COL22A1: variants seen among roughly 807,000 people sequenced by gnomAD.
The protein encoded by COL22A1 is collagen type XXII alpha 1 chain.
COL22A1 carries 221 observed loss-of-function variants against 248.9 expected under a neutral mutation model. The ratio of observed to expected loss-of-function variants is 0.89; its 90% CI spans 0.80 to 0.99. The LOEUF (loss-of-function observed/expected upper bound fraction) is 0.99. COL22A1 is among the 50% of genes least tolerant of loss of function. The probability of loss-of-function intolerance (pLI) is 0.00; values close to 1 mark genes in which losing one functional copy is unlikely to be tolerated. For missense variants in COL22A1, 2,240 were observed against 2,179.0 expected (o/e 1.03, Z -0.56); for synonymous variants, 891 against 793.4 (o/e 1.12, Z -2.07).
intron 23 of COL22A1, among the ~76,000 whole-genome samples, chr8:138,733,728 A>T (rs1439620861): frequency 2.0e-5 from 3 of 152,114 alleles, no homozygotes; most frequent in South Asian, 2.1e-4. Context: ...TTCTCCTTCC[A>T]GATTAATCCT....
rs763926603 is a variant in COL22A1, at chr8:138,602,097, C to G, written c.4185+18G>C. The G allele has an allele frequency of 5.6e-6, 9 of 1,613,840 alleles. No homozygotes were observed. The African/African-American group carries it at 1.1e-4, about 19-fold the overall frequency. Reference sequence around the variant, plus strand: ...GGTCGCGTTCGGCGTGTTCAAGGTGCCTGTGCTCTCCACTCACCCTTTCTC... The same window carrying G: ...GGTCGCGTTCGGCGTGTTCAAGGTGGCTGTGCTCTCCACTCACCCTTTCTC... On this transcript the variant is annotated intron_variant, in intron 60 of 64. Coordinates refer to ENST00000303045, the MANE Select transcript of COL22A1 (RefSeq NM_152888.3).
intron 49 of COL22A1, among the ~76,000 whole-genome samples, chr8:138,633,305 A>C (rs1187207867): frequency 3.9e-5 from 6 of 152,272 alleles, no homozygotes; most frequent in Non-Finnish European, 5.9e-5. Flanking sequence ...AGCATTAATC[A>C]GCTGGAGACA....
chr8:138,797,292 T>C (rs1816632559), intron 11 of COL22A1, among the ~76,000 whole-genome samples: 1 of 152,178 alleles, frequency 6.6e-6, no homozygotes, highest in Non-Finnish European at 1.5e-5. Context: ...CATTAATCTG[T>C]TTTCTGTTTC....
chr8:138,626,442 C>G (rs1421058066), intron 50 of COL22A1, among the ~76,000 whole-genome samples, 199 bp from the exon 51 acceptor site: 2 of 152,184 alleles, frequency 1.3e-5, no homozygotes, highest in African/African-American at 4.8e-5. Context: ...AGCATAGCCA[C>G]CCCTGTTGGT....
At chr8:138,821,452 G>T (rs1819124299) in intron 6 of COL22A1, 41 bp from the exon 7 acceptor site, 1 of 1,587,974 alleles carries the variant, frequency 6.3e-7, no homozygotes, top group Admixed American at 1.7e-5. Flanking sequence ...GCTTCTTGGG[G>T]CCAAGGGAAA....
chr8:138,683,126 A>T (rs1826083348), intron 39 of COL22A1, among the ~76,000 whole-genome samples: 1 of 152,178 alleles, frequency 6.6e-6, no homozygotes, highest in Non-Finnish European at 1.5e-5. Context: ...CCTAGCACTC[A>T]TCTGCTTTTC....
chr8:138,660,399 A>T, intron 44 of COL22A1, 37 bp downstream of exon 44: 1 of 1,579,780 alleles, frequency 6.3e-7, no homozygotes, highest in Non-Finnish European at 8.7e-7. Context: ...GCCCTGACTG[A>T]TAGTCAATAT....
chr8:138,684,506 T>A, intron 38 of COL22A1, 37 bp from the exon 39 acceptor site: 1 of 1,517,004 alleles, frequency 6.6e-7, no homozygotes, highest in Non-Finnish European at 9.2e-7. Flanking sequence ...ATCATGGAGC[T>A]GAGAGTGAAC....
At chr8:138,896,980 A>G (rs1350778549) in intron 1 of COL22A1, among the ~76,000 whole-genome samples, 2 of 151,650 alleles carry the variant, frequency 1.3e-5, no homozygotes, top group African/African-American at 4.8e-5. Context: ...CTCAAAAAAA[A>G]AAATCCATTC....
chr8:138,653,571 A>G (rs1343093531), intron 45 of COL22A1, among the ~76,000 whole-genome samples: 1 of 152,192 alleles, frequency 6.6e-6, no homozygotes, highest in African/African-American at 2.4e-5. Context: ...TATTTCTGCA[A>G]GGGTAATGGA....
intron 4 of COL22A1, among the ~76,000 whole-genome samples, chr8:138,833,497 C>T (rs1364285192): frequency 6.6e-6 from 1 of 152,224 alleles, no homozygotes; most frequent in East Asian, 1.9e-4. Flanking sequence ...GTGTGCTCTT[C>T]GCTCTTGCAG....
At chr8:138,820,251 T>C (rs959952782) in intron 7 of COL22A1, among the ~76,000 whole-genome samples, 1 of 152,208 alleles carries the variant, frequency 6.6e-6, no homozygotes, top group Non-Finnish European at 1.5e-5. Flanking sequence ...AAAATGGTTT[T>C]GGAAAGAGCT....
intron 1 of COL22A1, among the ~76,000 whole-genome samples, chr8:138,884,771 G>A (rs1456749146): frequency 6.6e-6 from 1 of 152,174 alleles, no homozygotes; most frequent in Non-Finnish European, 1.5e-5. Context: ...ACATGTGGCA[G>A]GGGAGTGAGC....
chr8:138,740,325 G>C (rs893057783), intron 22 of COL22A1, among the ~76,000 whole-genome samples: 1 of 152,188 alleles, frequency 6.6e-6, no homozygotes, highest in Non-Finnish European at 1.5e-5. Flanking sequence ...GAAAGGATGA[G>C]AGAGAAGAGA....
intron 7 of COL22A1, among the ~76,000 whole-genome samples, chr8:138,813,581 C>G (rs983709487): frequency 6.6e-6 from 1 of 152,176 alleles, no homozygotes; most frequent in African/African-American, 2.4e-5. Context: ...TAATACAACC[C>G]CTTCCTTCCA....
At chr8:138,650,894 G>A (rs1458006876) in intron 45 of COL22A1, among the ~76,000 whole-genome samples, 1 of 152,170 alleles carries the variant, frequency 6.6e-6, no homozygotes, top group Non-Finnish European at 1.5e-5. Context: ...GTCTTGAAGA[G>A]CTCTCAGTTC....
chr8:138,703,410 A>G, intron 30 of COL22A1, 63 bp from the exon 31 acceptor site: 1 of 1,447,472 alleles, frequency 6.9e-7, no homozygotes, highest in Non-Finnish European at 9.7e-7. Context: ...TTATGCTGCA[A>G]CAGATCAGCT....
rs538755742 is a variant in COL22A1 at position 138,609,248 on chromosome 8, G to C, written c.3979-1259C>G. 3.3e-5 allele frequency among the ~76,000 whole-genome samples: 5 copies of C among 152,314 alleles called. No individual in the cohort carries two copies. In the South Asian group the frequency reaches 1.0e-3, roughly 32 times the overall value. On this transcript the variant is annotated intron_variant, in intron 56 of 64. Transcript: ENST00000303045. ...GGAAACTGAGGCTCAGAAATGCTAAGCCACCTGCCTGCGAGGCAAGTCAAG... is the reference window on the plus strand; with the variant it reads ...GGAAACTGAGGCTCAGAAATGCTAACCCACCTGCCTGCGAGGCAAGTCAAG...
chr8:138,854,808 A>ATGATGATGG (rs201671933), intron 3 of COL22A1, among the ~76,000 whole-genome samples: 4,312 of 151,858 alleles, frequency 0.028, 79 homozygotes, highest in Non-Finnish European at 0.039. Flanking sequence ...GGTGATGGTG[A>ATGATGATGG]TGATGATGGT....
Sources: allele counts gnomAD v4.1 joint callset (sites outside exome capture counted in the v4.1 genomes callset), GRCh38; gene constraint gnomAD v4.1.1; transcripts MANE v1.5; gene names NCBI Gene and HGNC (gene_info 2026-07-23, HGNC 2026-07-21).